CXADR: variants seen among roughly 807,000 people sequenced by gnomAD.
CXADR encodes CXADR cell adhesion molecule.
Under a neutral mutation model 40.3 loss-of-function variants are expected in CXADR, and 20 were observed. That is an observed-to-expected ratio of 0.50 (90% confidence interval 0.35 to 0.72). CXADR has a LOEUF of 0.72. Ranked by LOEUF, CXADR falls within the 30% of genes least tolerant of loss-of-function variation. The pLI is 0.01. For missense variants in CXADR, 332 were observed against 449.1 expected (o/e 0.74, Z 2.36); for synonymous variants, 150 against 161.3 (o/e 0.93, Z 0.53).
chr21:17,564,654 T>C (rs2061178406), intron 6 of CXADR, among the ~76,000 whole-genome samples: 1 of 152,268 alleles, frequency 6.6e-6, no homozygotes, highest in African/African-American at 2.4e-5. Flanking sequence ...AAATCTGTAG[T>C]GTTTTCAGCT....
At chr21:17,606,816 G>A in the CXADR span, among the ~76,000 whole-genome samples, 1 of 152,218 alleles carries the variant, frequency 6.6e-6, no homozygotes, top group African/African-American at 2.4e-5. Flanking sequence ...ATTACAAAGT[G>A]TAAGAGACAT....
downstream of CXADR, among the ~76,000 whole-genome samples, chr21:17,595,050 T>C (rs1408526092): frequency 6.6e-6 from 1 of 151,276 alleles, no homozygotes; most frequent in Non-Finnish European, 1.5e-5. Context: ...CTAGCACTGG[T>C]CTAATGAACA....
chr21:17,541,418 G>T lies in CXADR; in HGVS notation c.44-5609G>T, dbSNP rs532018027. On this transcript the variant is annotated intron_variant, in intron 1 of 6. Transcript: ENST00000284878. ...ATACAAAAAAAAAAATTAGCCGGAC[G>T]TGGTGGTGGGCACCTGTAGTCCCAG... is the stretch of plus-strand genomic sequence containing the variant. Among the ~76,000 whole-genome samples the T allele has an allele frequency of 4.6e-5, 7 of 152,124 alleles. No homozygotes were observed. In the East Asian group the frequency reaches 7.7e-4, roughly 17 times the overall value.
intron 1 of CXADR, among the ~76,000 whole-genome samples, chr21:17,530,114 A>ATTTT (rs56341807): frequency 0.043 from 4,037 of 94,826 alleles, 282 homozygotes; most frequent in African/African-American, 0.13. Context: ...ATGCCAGGCT[A>ATTTT]TTTTTTTTTT....
At chr21:17,604,104 A>G in the CXADR span, 3 of 1,271,408 alleles carry the variant, frequency 2.4e-6, no homozygotes, top group South Asian at 3.9e-5. Context: ...AATAACTTCC[A>G]TTATAAAAAT....
the CXADR span, among the ~76,000 whole-genome samples, chr21:17,620,613 A>G: frequency 6.6e-6 from 1 of 152,208 alleles, no homozygotes; most frequent in African/African-American, 2.4e-5. Context: ...GATTGCCAAA[A>G]TCTTCAATTT....
At chr21:17,604,060 T>C in the CXADR span, 4 of 1,143,850 alleles carry the variant, frequency 3.5e-6, 1 homozygote, top group East Asian at 7.9e-5. Context: ...CTAGCACTGA[T>C]CTTTCACAAC....
chr21:17,565,163 C>A (rs78644901), intron 6 of CXADR, among the ~76,000 whole-genome samples: 2,705 of 152,232 alleles, frequency 0.018, 40 homozygotes, highest in Middle Eastern at 0.058. Context: ...CTAGAATCAT[C>A]TACATTTGTG....
At chr21:17,593,121 T>TA in intron 7 of CXADR, 1 of 1,388,256 alleles carries the variant, frequency 7.2e-7, no homozygotes, top group African/African-American at 1.5e-5. Context: ...TCAAAACTCT[T>TA]ATAGAGATAT....
intron 1 of CXADR, among the ~76,000 whole-genome samples, chr21:17,539,741 C>G (rs2060803345): frequency 6.6e-6 from 1 of 152,160 alleles, no homozygotes; most frequent in South Asian, 2.1e-4. Flanking sequence ...ACCATCCAGG[C>G]AGTTCCCTCG....
intron 1 of CXADR, among the ~76,000 whole-genome samples, chr21:17,525,712 G>T (rs953530154): frequency 6.6e-6 from 1 of 152,212 alleles, no homozygotes; most frequent in Non-Finnish European, 1.5e-5. Flanking sequence ...AAATCTGGAT[G>T]AGCAAAATGA....
At position 17,556,638 on chromosome 21, in the gene CXADR, C is replaced by T. The variant is rs981943681; in HGVS notation, c.416-2338C>T. Among the ~76,000 whole-genome samples, 7 of 152,242 alleles carry T rather than the reference C, an allele frequency of 4.6e-5. 1 individual carries two copies. In the South Asian group the frequency reaches 1.5e-3, roughly 32 times the overall value. On this transcript the variant is annotated intron_variant, in intron 3 of 6. Coordinates refer to ENST00000284878, the MANE Select transcript of CXADR (RefSeq NM_001338.5). Reference sequence around the variant, plus strand: ...AGAACAAGGCTCATTTCATTGAAGACTCCCAGAATGAAATAATTTGCAAAA... The same window carrying T: ...AGAACAAGGCTCATTTCATTGAAGATTCCCAGAATGAAATAATTTGCAAAA...
the CXADR span, among the ~76,000 whole-genome samples, chr21:17,627,406 T>C: frequency 6.6e-6 from 1 of 152,002 alleles, no homozygotes; most frequent in African/African-American, 2.4e-5. Flanking sequence ...AATAAATGGG[T>C]TGTCATTAAC....
At chr21:17,530,350 G>C (rs1479710268) in intron 1 of CXADR, 1 of 445,666 alleles carries the variant, frequency 2.2e-6, no homozygotes, top group Admixed American at 2.5e-5. Flanking sequence ...TTTACAGTTT[G>C]TGTTTTTTGT....
chr21:17,554,343 C>G (rs980027130), intron 3 of CXADR, among the ~76,000 whole-genome samples: 12 of 152,138 alleles, frequency 7.9e-5, no homozygotes, highest in Non-Finnish European at 1.6e-4. Flanking sequence ...GCCGTGACTG[C>G]CCGGCAGTAG....
chr21:17,629,851 A>G, the CXADR span, among the ~76,000 whole-genome samples: 52 of 152,244 alleles, frequency 3.4e-4, 1 homozygote, highest in East Asian at 7.2e-3. Context: ...AAATAAATAA[A>G]ACAAAGTGGA....
downstream of CXADR, among the ~76,000 whole-genome samples, chr21:17,573,246 A>T (rs1448858257): frequency 6.6e-6 from 1 of 152,076 alleles, no homozygotes; most frequent in African/African-American, 2.4e-5. Context: ...AGCGCATCTC[A>T]ACTAATTGCG....
chr21:17,513,868 A>G (rs1385703379), intron 1 of CXADR, among the ~76,000 whole-genome samples: 1 of 152,208 alleles, frequency 6.6e-6, no homozygotes, highest in Non-Finnish European at 1.5e-5. Context: ...GCAAAGGAGA[A>G]TTCAGTGACC....
chr21:17,594,420 C>A (rs1035088072), downstream of CXADR: 14 of 1,434,810 alleles, frequency 9.8e-6, no homozygotes, highest in Non-Finnish European at 1.3e-5. Flanking sequence ...AACAAAGTTA[C>A]CCACAACACT....
Sources: gnomAD v4.1 joint callset for allele counts (sites outside exome capture counted in the v4.1 genomes callset) on GRCh38, gnomAD v4.1.1 for gene constraint, MANE v1.5 for transcripts, NCBI Gene and HGNC (gene_info 2026-07-23, HGNC 2026-07-21) for gene names.